Variants in LRR1 observed in about 807,000 individuals in gnomAD.
LRR1 encodes leucine-rich repeat protein 1.
LRR1 carries 29 observed loss-of-function variants against 31.6 expected under a neutral mutation model. The observed-to-expected ratio is 0.92, with a 90% CI of 0.68 to 1.25. The LOEUF is 1.25. LRR1 is among the 50% of genes most tolerant of loss of function. LRR1 has a pLI of 0.00. For synonymous variants in LRR1, 179 were observed against 181.4 expected, an observed-to-expected ratio of 0.99 and a Z score of 0.10; for missense variants, 485 against 487.2, an observed-to-expected ratio of 1.00 and a Z score of 0.04.
Position 49,614,646 on chromosome 14 carries a change from C to T in LRR1, c.*150C>T, listed in dbSNP as rs1171660517. On this transcript the variant is annotated 3_prime_UTR_variant, in exon 4 of 4. Coordinates refer to ENST00000298288, the MANE Select transcript of LRR1 (RefSeq NM_152329.4). ...GTTACTCATTTAGATGACTCCAAAA[C>T]TTTTATTAAAACCAATTTTAGTTTT... 5.5e-6 allele frequency: 6 copies of T among 1,100,362 alleles called. No individual in the cohort carries two copies. The highest frequency in any genetic ancestry group is 8.0e-6 in the Non-Finnish European group (6 of 754,082). The allele number at this position is 1,100,362 out of a possible 1,614,324, so 68.2% of individuals were successfully genotyped here. A position where few individuals can be genotyped will look rare whatever the true frequency, so the allele number is the denominator to read the frequency against.
At chr14:49,602,937 A>G (rs1348277659) in intron 2 of LRR1, among the ~76,000 whole-genome samples, 1 of 151,540 alleles carries the variant, frequency 6.6e-6, no homozygotes, top group Non-Finnish European at 1.5e-5. Flanking sequence ...CCGGGTTCAA[A>G]CAATTCTCCT....
intron 2 of LRR1, among the ~76,000 whole-genome samples, chr14:49,606,292 G>T (rs1407332267): frequency 6.6e-6 from 1 of 151,076 alleles, no homozygotes; most frequent in Non-Finnish European, 1.5e-5. Context: ...CTCCCAAAGT[G>T]CTAGGATTAT....
chr14:49,604,123 T>A (rs1352497518), intron 2 of LRR1, among the ~76,000 whole-genome samples: 1 of 146,828 alleles, frequency 6.8e-6, no homozygotes, highest in African/African-American at 2.5e-5. Flanking sequence ...GGCAACATGG[T>A]GAAACCCTGT....
rs1566493069 is a variant in LRR1 at position 49,603,710 on chromosome 14, A to ATTTTTTTTTTTTTTTTTTTTTTTT, written c.282+1243_282+1244insTTTTTTTTTTTTTTTTTTTTTTTT. 2 of 132,724 alleles carry ATTTTTTTTTTTTTTTTTTTTTTTT rather than the reference A, an allele frequency of 1.5e-5. 1 individual carries two copies. 8.2% of individuals were successfully genotyped at this position (132,724 alleles called of 1,614,324 possible). ...TTTTTTTTTTTTTTTTTTTTTTTTAATGAGACAGAGTCTCTCCCTGTCACC... is the reference window on the plus strand; with the variant it reads ...TTTTTTTTTTTTTTTTTTTTTTTTAATTTTTTTTTTTTTTTTTTTTTTTTTGAGACAGAGTCTCTCCCTGTCACC... On this transcript the variant is annotated intron_variant, in intron 2 of 3. Coordinates refer to ENST00000298288, the MANE Select transcript of LRR1 (RefSeq NM_152329.4).
rs186698355 is a variant in LRR1, at chr14:49,606,450, T to C, written c.283-950T>C. On this transcript the variant is annotated intron_variant, in intron 2 of 3. Transcript: ENST00000298288. ...GCCTCCCAGGTTCAAGCAATTCTCC[T>C]GCCTCAGCTTCCTGACTAGCTGGGA... Among the ~76,000 whole-genome samples the C allele has an allele frequency of 1.1e-3, 169 of 152,120 alleles. 3 individuals carry two copies. The East Asian group carries it at 0.018, about 17-fold the overall frequency.
At chr14:49,613,183 C>CA (rs1275711522) in intron 3 of LRR1, among the ~76,000 whole-genome samples, 1 of 151,764 alleles carries the variant, frequency 6.6e-6, no homozygotes, top group African/African-American at 2.4e-5. Context: ...ACTAAAAATA[C>CA]AAAAAATTAG....
intron 2 of LRR1, chr14:49,603,623 G>T (rs1428661953): frequency 9.4e-7 from 1 of 1,062,186 alleles, no homozygotes; most frequent in South Asian, 2.5e-5. Context: ...CCACAGGTGG[G>T]TGCCACCACT....
chr14:49,599,207 C>G lies in LRR1; in HGVS notation c.183+4C>G, dbSNP rs1881937733. ...CAAGCGCGGGACCCGCTATGAGGTG[C>G]GTGAAGTGGGCAGGCCCTGTCAGTC... On this transcript the variant is annotated splice_donor_region_variant and intron_variant, in intron 1 of 3. Coordinates refer to ENST00000298288, the MANE Select transcript of LRR1 (RefSeq NM_152329.4). 1.2e-6 allele frequency: 2 copies of G among 1,600,688 alleles called. No individual in the cohort carries two copies. Among genetic ancestry groups the G allele is most frequent in the Admixed American group, 3.5e-5 (2 of 57,952 alleles).
chr14:49,609,695 C>T (rs1481331245), intron 3 of LRR1, among the ~76,000 whole-genome samples: 1 of 151,512 alleles, frequency 6.6e-6, no homozygotes. Context: ...GTGTGAGCCA[C>T]CGCGCCTGGC....
In LRR1 at chr14:49,603,710, A is replaced by ATTTTTTTTTT. The variant is rs1566493069; in HGVS notation, c.282+1243_282+1244insTTTTTTTTTT. The ATTTTTTTTTT allele has an allele frequency of 2.3e-3, 306 of 132,718 alleles. 95 individuals are homozygous for ATTTTTTTTTT. The highest frequency in any genetic ancestry group is 9.3e-3 in the African/African-American group (122 of 13,072). 8.2% of individuals were successfully genotyped at this position (132,718 alleles called of 1,614,324 possible). On this transcript the variant is annotated intron_variant, in intron 2 of 3. Transcript: ENST00000298288. ...TTTTTTTTTTTTTTTTTTTTTTTTA[A>ATTTTTTTTTT]TGAGACAGAGTCTCTCCCTGTCACC...
intron 1 of LRR1, 114 bp from the exon 2 acceptor site, chr14:49,602,256 G>C: frequency 1.4e-6 from 1 of 722,670 alleles, no homozygotes; most frequent in Middle Eastern, 2.6e-4. Flanking sequence ...TCAGACTCAA[G>C]GACTAAAAGC....
At chr14:49,611,116 G>C (rs1014145127) in intron 3 of LRR1, among the ~76,000 whole-genome samples, 10 of 152,088 alleles carry the variant, frequency 6.6e-5, no homozygotes, top group Admixed American at 6.6e-4. Context: ...CCCAATGTAA[G>C]AACTCTTACT....
chr14:49,600,243 T>G lies in LRR1; in HGVS notation c.183+1040T>G. 3 of 1,484,802 alleles carry G rather than the reference T, an allele frequency of 2.0e-6. No individual in the cohort carries two copies. In the South Asian group the frequency reaches 3.4e-5, roughly 17 times the overall value. 92.0% of individuals were successfully genotyped at this position (1,484,802 alleles called of 1,614,324 possible). On this transcript the variant is annotated intron_variant, in intron 1 of 3. Transcript: ENST00000298288. ...TTTATCTTACCCAATGACCGACGTC[T>G]TCCTTATATGCTTCTCGGTGGTAAA...
At chr14:49,600,032 G>C in intron 1 of LRR1, 1 of 1,608,960 alleles carries the variant, frequency 6.2e-7, no homozygotes, top group Non-Finnish European at 8.5e-7. Flanking sequence ...TCAAGTGCGT[G>C]GTGGTCGGCG....
rs1440922372 is a variant in LRR1, at chr14:49,599,972, G to C, written c.183+769G>C. On this transcript the variant is annotated intron_variant, in intron 1 of 3. Transcript: ENST00000298288. ...GGGGGCTCCGGGGGGACCATGCCCG[G>C]AGGCCGGCCGGCAGCAGCATCATGG... The C allele has an allele frequency of 3.8e-6, 6 of 1,575,488 alleles. No homozygotes were observed. The South Asian group carries it at 5.7e-5, about 15-fold the overall frequency.
chr14:49,607,910 C>G lies in LRR1; in HGVS notation c.793C>G (p.Pro265Ala), dbSNP rs749817002. 1 of 1,613,280 alleles carries G rather than the reference C, an allele frequency of 6.2e-7. No individual in the cohort carries two copies. Among genetic ancestry groups the G allele is most frequent in the Non-Finnish European group, 8.5e-7 (1 of 1,179,536 alleles). ...TGACGATAATGAATTGATTCAATTTCCTTGCAAGATAGGACAACTAATAAA... is the reference window on the plus strand; with the variant it reads ...TGACGATAATGAATTGATTCAATTTGCTTGCAAGATAGGACAACTAATAAA... ...KLDDNELIQF[P>A]CKIGQLINLR... Residue 265 changes from proline to alanine, a missense_variant, in exon 3 of 4, where the codon CCT (proline) becomes GCT (alanine). By Grantham distance (27) the Pro-to-Ala change is conservative. Around this residue, in one of 3 missense-constraint regions of LRR1, gnomAD observed 210 missense variants for 200.4 expected, o/e 1.05. Coordinates refer to ENST00000298288, the MANE Select transcript of LRR1 (RefSeq NM_152329.4).
chr14:49,614,044 A>T (rs540580337), intron 3 of LRR1, among the ~76,000 whole-genome samples: 1 of 152,284 alleles, frequency 6.6e-6, no homozygotes, highest in South Asian at 2.1e-4. Context: ...CATTCCATTT[A>T]GGGAGTTATG....
Position 49,600,949 on chromosome 14 carries a change from A to G in LRR1, c.184-1421A>G, listed in dbSNP as rs1047016934. On this transcript the variant is annotated intron_variant, in intron 1 of 3. Coordinates refer to ENST00000298288, the MANE Select transcript of LRR1 (RefSeq NM_152329.4). ...GATGGAACTGCTTGGCTTTGACCAT[A>G]CACATTTCTGCACAGCCCTTACAGA... is the stretch of plus-strand genomic sequence containing the variant. The G allele has an allele frequency of 2.1e-5, 32 of 1,558,188 alleles. No homozygotes were observed. In the African/African-American group the frequency reaches 4.1e-4, roughly 20 times the overall value.
At chr14:49,602,999 C>A (rs1040989871) in intron 2 of LRR1, among the ~76,000 whole-genome samples, 5 of 126,702 alleles carry the variant, frequency 3.9e-5, no homozygotes, top group Non-Finnish European at 8.7e-5. Flanking sequence ...CCATGCGTGG[C>A]TGATTTTTTT....
Sources: allele counts gnomAD v4.1 joint callset (sites outside exome capture counted in the v4.1 genomes callset), GRCh38; gene constraint gnomAD v4.1.1; regional missense constraint gnomAD v4.1.1; transcripts MANE v1.5; gene names NCBI Gene and HGNC (gene_info 2026-07-23, HGNC 2026-07-21).